ATRN: variants seen among roughly 807,000 people sequenced by gnomAD.
ATRN encodes attractin-2.
ATRN carries 54 observed loss-of-function variants against 178.7 expected under a neutral mutation model. The ratio of observed to expected loss-of-function variants is 0.30; its 90% CI spans 0.24 to 0.38. The LOEUF (loss-of-function observed/expected upper bound fraction) is 0.38. Ranked by LOEUF, ATRN falls within the 10% of genes least tolerant of loss-of-function variation. The pLI is 1.00. For synonymous variants in ATRN, 636 were observed against 663.0 expected (o/e 0.96, Z 0.63); for missense variants, 1,443 against 1,815.1 (o/e 0.79, Z 3.73).
At chr20:3,546,387 CTG>C (rs1476214805) in intron 4 of ATRN, among the ~76,000 whole-genome samples, 4 of 139,042 alleles carry the variant, frequency 2.9e-5, no homozygotes, top group Non-Finnish European at 6.2e-5. Context: ...TATAGTTCAA[CTG>C]TTTTTTTTTT....
At chr20:3,480,083 A>G (rs1221769747) in intron 1 of ATRN, among the ~76,000 whole-genome samples, 1 of 152,114 alleles carries the variant, frequency 6.6e-6, no homozygotes, top group East Asian at 1.9e-4. Flanking sequence ...ATAACTTGTG[A>G]GGGGTGTAAT....
At chr20:3,624,395 T>G in intron 24 of ATRN, 116 bp from the exon 25 acceptor site, 1 of 958,936 alleles carries the variant, frequency 1.0e-6, no homozygotes, top group East Asian at 2.4e-5. Context: ...GAAAAAAGTT[T>G]CCTTAACTTC....
At chr20:3,582,656 A>G (rs1250600806) in intron 16 of ATRN, among the ~76,000 whole-genome samples, 4 of 152,232 alleles carry the variant, frequency 2.6e-5, no homozygotes, top group African/African-American at 7.2e-5. Context: ...TTGCTCTGAA[A>G]AGCAAATTTA....
chr20:3,618,142 C>G (rs1359581552), intron 24 of ATRN, among the ~76,000 whole-genome samples: 3 of 152,116 alleles, frequency 2.0e-5, no homozygotes, highest in Non-Finnish European at 4.4e-5. Context: ...TGTCCACTTC[C>G]TATCTGTGGT....
At chr20:3,515,169 A>G (rs1436174762) in intron 1 of ATRN, among the ~76,000 whole-genome samples, 1 of 152,204 alleles carries the variant, frequency 6.6e-6, no homozygotes, top group Admixed American at 6.5e-5. Context: ...TAATAAAGTG[A>G]TAAATGTTAG....
At chr20:3,517,547 G>T (rs1490942012) in intron 1 of ATRN, among the ~76,000 whole-genome samples, 3 of 149,974 alleles carry the variant, frequency 2.0e-5, no homozygotes, top group Non-Finnish European at 3.0e-5. Context: ...AAGGAGGGTG[G>T]ATCACCTGAG....
chr20:3,501,913 C>G (rs1223754484), intron 1 of ATRN, among the ~76,000 whole-genome samples: 1 of 152,006 alleles, frequency 6.6e-6, no homozygotes, highest in African/African-American at 2.4e-5. Flanking sequence ...AGTTGGGAAC[C>G]CTGAAGGATG....
chr20:3,604,742 A>T (rs1246001285), intron 24 of ATRN, among the ~76,000 whole-genome samples: 1 of 152,204 alleles, frequency 6.6e-6, no homozygotes, highest in Non-Finnish European at 1.5e-5. Flanking sequence ...TTCTAGTCAG[A>T]CAGAGGTGGA....
intron 26 of ATRN, among the ~76,000 whole-genome samples, chr20:3,636,635 C>T (rs568615509): frequency 3.9e-5 from 6 of 152,280 alleles, no homozygotes; most frequent in Admixed American, 1.3e-4. Context: ...AGTGGTTTTA[C>T]GTAGATTAAC....
chr20:3,487,135 A>ATTTT, intron 1 of ATRN, among the ~76,000 whole-genome samples: 1 of 152,060 alleles, frequency 6.6e-6, no homozygotes, highest in Non-Finnish European at 1.5e-5. Flanking sequence ...TGTATTTTTA[A>ATTTT]TTTCTAGAGG....
chr20:3,487,358 G>A (rs1049774881), intron 1 of ATRN, among the ~76,000 whole-genome samples: 11 of 152,012 alleles, frequency 7.2e-5, no homozygotes, highest in African/African-American at 2.4e-4. Context: ...TTAGCCTCGC[G>A]AGTAGCTGGG....
chr20:3,475,074 T>C (rs2084505621), intron 1 of ATRN, among the ~76,000 whole-genome samples: 1 of 151,942 alleles, frequency 6.6e-6, no homozygotes, highest in Non-Finnish European at 1.5e-5. Flanking sequence ...AGTATTCTTT[T>C]GGGGGCAAGA....
At chr20:3,587,444 T>G (rs2086373464) in intron 18 of ATRN, among the ~76,000 whole-genome samples, 1 of 151,600 alleles carries the variant, frequency 6.6e-6, no homozygotes, top group Non-Finnish European at 1.5e-5. Context: ...TCTTCTTGCC[T>G]GTGGATGTGG....
intron 24 of ATRN, among the ~76,000 whole-genome samples, chr20:3,605,106 C>G (rs1253958413): frequency 6.6e-6 from 1 of 152,150 alleles, no homozygotes; most frequent in Non-Finnish European, 1.5e-5. Context: ...TGCCAATGTT[C>G]AGAAGCATAA....
rs375979101 is a variant in ATRN, at chr20:3,547,242, C to T, written c.738-42C>T. On this transcript the variant is annotated intron_variant, in intron 4 of 28. Transcript: ENST00000262919. ...GGAAGTTATGCTAAGTTAATGGAAG[C>T]GTTGCGTTGTGTTAATGTAATTTTC... 1.8e-5 allele frequency: 26 copies of T among 1,443,116 alleles called. 1 individual carries two copies. The South Asian group carries it at 2.3e-4, about 13-fold the overall frequency. 89.4% of individuals were successfully genotyped at this position (1,443,116 alleles called of 1,614,324 possible).
chr20:3,533,199 A>G (rs983694671), intron 1 of ATRN, among the ~76,000 whole-genome samples: 2 of 152,170 alleles, frequency 1.3e-5, no homozygotes, highest in East Asian at 3.9e-4. Flanking sequence ...TGAAGAGGAG[A>G]TCTAGGTGGC....
chr20:3,601,388 CTTCGGA>C (rs2086605791), intron 23 of ATRN, among the ~76,000 whole-genome samples: 1 of 152,078 alleles, frequency 6.6e-6, no homozygotes, highest in Non-Finnish European at 1.5e-5. Flanking sequence ...TACATTCGTG[CTTCGGA>C]AGTGAAAAAT....
chr20:3,627,939 G>A (rs1319377211), intron 25 of ATRN, among the ~76,000 whole-genome samples: 16 of 152,198 alleles, frequency 1.1e-4, no homozygotes, highest in Non-Finnish European at 1.9e-4. Flanking sequence ...TTGGGAGGCC[G>A]AGGTGGGTGG....
chr20:3,572,699 A>G lies in ATRN; in HGVS notation c.1872-32A>G, dbSNP rs368981277. The stretch of plus-strand genomic sequence containing the variant: ...GCATCCAATTGTTATCTGAGTCTCT[A>G]GTAAATTTCTTCTCTCCCTTTTTCC... On this transcript the variant is annotated intron_variant, in intron 11 of 28. Transcript: ENST00000262919. 148 of 1,552,942 alleles carry G rather than the reference A, an allele frequency of 9.5e-5. No individual in the cohort carries two copies. In the South Asian group the frequency reaches 1.2e-3, roughly 13 times the overall value.
Sources: gnomAD v4.1 joint callset for allele counts (sites outside exome capture counted in the v4.1 genomes callset) on GRCh38, gnomAD v4.1.1 for gene constraint, MANE v1.5 for transcripts, NCBI Gene and HGNC (gene_info 2026-07-23, HGNC 2026-07-21) for gene names.